TXLNB: variants seen among roughly 807,000 people sequenced by gnomAD.
TXLNB encodes taxilin beta, also known as beta-taxilin.
In TXLNB, 37 loss-of-function variants were observed where a neutral mutation model predicts 57.4. That is an observed-to-expected ratio of 0.64 (90% confidence interval 0.50 to 0.85). TXLNB has a LOEUF of 0.85. Among genes scored for constraint, TXLNB ranks in the 40% least tolerant of loss-of-function variants. The pLI is 0.00. For synonymous variants in TXLNB, 302 were observed against 309.6 expected (o/e 0.98, Z 0.26); for missense variants, 848 against 825.6 (o/e 1.03, Z -0.33).
chr6:139,192,910 C>A, the TXLNB span, among the ~76,000 whole-genome samples: 4 of 151,844 alleles, frequency 2.6e-5, no homozygotes, highest in African/African-American at 9.7e-5. Flanking sequence ...TTGCAGTGAG[C>A]CGAGATTGTG....
At chr6:139,307,959 C>G in the TXLNB span, among the ~76,000 whole-genome samples, 1 of 151,228 alleles carries the variant, frequency 6.6e-6, no homozygotes, top group South Asian at 2.1e-4. Context: ...TTGACACTTC[C>G]CAGGAGTAGT....
At chr6:139,266,148 A>G (rs1776609750) in intron 4 of TXLNB, among the ~76,000 whole-genome samples, 1 of 152,216 alleles carries the variant, frequency 6.6e-6, no homozygotes, top group Non-Finnish European at 1.5e-5. Context: ...TAGAATCCAG[A>G]TTCTCCAGAA....
chr6:139,247,883 T>C lies in TXLNB; in HGVS notation c.1104A>G (p.Glu368=). 1 of 1,607,464 alleles carries C rather than the reference T, an allele frequency of 6.2e-7. No homozygotes were observed. ...TTTTAGTTAGTGTGCTCTGGAATTC[T>C]TCAAACCTTCCTGAGTAGAGAGTGA... ...AQLTLYSGRF[E]EFQSTLTKSN... Residue 368 remains glutamate, a synonymous_variant, in exon 8 of 10, where the codon GAA becomes GAG. Transcript: ENST00000358430.
the TXLNB span, among the ~76,000 whole-genome samples, chr6:139,316,568 T>G: frequency 6.6e-6 from 1 of 152,368 alleles, no homozygotes; most frequent in South Asian, 2.1e-4. Flanking sequence ...AAGACCCTGT[T>G]GCAGTGGTCC....
At chr6:139,206,320 C>T in the TXLNB span, among the ~76,000 whole-genome samples, 1 of 152,098 alleles carries the variant, frequency 6.6e-6, no homozygotes, top group African/African-American at 2.4e-5. Context: ...AGAACAGTAC[C>T]TCACATCTCA....
At chr6:139,165,752 C>T in the TXLNB span, among the ~76,000 whole-genome samples, 7 of 152,186 alleles carry the variant, frequency 4.6e-5, no homozygotes, top group African/African-American at 1.7e-4. Context: ...ATTCTACTTT[C>T]TGTCACCATG....
chr6:139,286,208 A>C (rs1433684034), intron 2 of TXLNB, among the ~76,000 whole-genome samples: 1 of 149,246 alleles, frequency 6.7e-6, no homozygotes, highest in Non-Finnish European at 1.5e-5. Context: ...AGAGAGTACT[A>C]ATAATTTTCC....
chr6:139,276,068 C>T (rs946295025), intron 3 of TXLNB, among the ~76,000 whole-genome samples: 6 of 152,194 alleles, frequency 3.9e-5, no homozygotes, highest in Non-Finnish European at 8.8e-5. Flanking sequence ...TAAACAACGA[C>T]ATAAAATAGA....
chr6:139,190,679 C>G, the TXLNB span, among the ~76,000 whole-genome samples: 1 of 152,150 alleles, frequency 6.6e-6, no homozygotes, highest in Non-Finnish European at 1.5e-5. Flanking sequence ...ACAAAGCATA[C>G]TTGGACTTCT....
At chr6:139,201,421 G>A in the TXLNB span, among the ~76,000 whole-genome samples, 2 of 152,152 alleles carry the variant, frequency 1.3e-5, no homozygotes, top group East Asian at 3.8e-4. Context: ...GGCACGATAA[G>A]GAATTCCCTC....
At chr6:139,251,035 T>A (rs1329454103) in intron 7 of TXLNB, among the ~76,000 whole-genome samples, 1 of 152,248 alleles carries the variant, frequency 6.6e-6, no homozygotes, top group East Asian at 1.9e-4. Flanking sequence ...TTTCCTTTTC[T>A]TATGTTTTCT....
chr6:139,246,466 G>T (rs534066513), intron 8 of TXLNB, among the ~76,000 whole-genome samples: 29 of 152,208 alleles, frequency 1.9e-4, no homozygotes, highest in Non-Finnish European at 3.8e-4. Context: ...GTATTGGGAA[G>T]ACACTGAACA....
At position 139,243,398 on chromosome 6, in the gene TXLNB, G is replaced by A. The variant is rs1776000021; in HGVS notation, c.1267-84C>T. The A allele has an allele frequency of 5.7e-6, 8 of 1,392,564 alleles. No homozygotes were observed. The African/African-American group carries it at 1.0e-4, about 18-fold the overall frequency. 86.3% of individuals were successfully genotyped at this position (1,392,564 alleles called of 1,614,324 possible). ...TGTCCAGGATGCTTTCTGGAAACAAGCAAAACTATTTGTCCCAGAATTTGT... is the reference window on the plus strand; with the variant it reads ...TGTCCAGGATGCTTTCTGGAAACAAACAAAACTATTTGTCCCAGAATTTGT... On this transcript the variant is annotated intron_variant, in intron 9 of 9. Coordinates refer to ENST00000358430, the MANE Select transcript of TXLNB (RefSeq NM_153235.4).
chr6:139,169,770 A>C, the TXLNB span: 2 of 152,248 alleles, frequency 1.3e-5, no homozygotes, highest in African/African-American at 2.4e-5. Context: ...TGGAAGCTGC[A>C]GAGTCTGTCT....
intron 5 of TXLNB, 42 bp downstream of exon 5, chr6:139,262,537 C>G: frequency 1.3e-6 from 2 of 1,493,604 alleles, no homozygotes; most frequent in Non-Finnish European, 1.8e-6. Flanking sequence ...CTCCCAGATC[C>G]GGATCTATGT....
At chr6:139,180,892 C>T in the TXLNB span, 2 of 152,406 alleles carry the variant, frequency 1.3e-5, no homozygotes, top group Non-Finnish European at 2.9e-5. Context: ...GAAGAGAAAG[C>T]TTTCTGAGGT....
the TXLNB span, among the ~76,000 whole-genome samples, chr6:139,307,970 A>G: frequency 3.4e-5 from 2 of 59,356 alleles, no homozygotes; most frequent in Non-Finnish European, 8.1e-5. Context: ...CAGGAGTAGT[A>G]TTGACACCTG....
upstream of TXLNB, among the ~76,000 whole-genome samples, chr6:139,296,953 C>T (rs924426348): frequency 1.3e-5 from 2 of 152,124 alleles, no homozygotes; most frequent in Non-Finnish European, 2.9e-5. Flanking sequence ...TTTGTAGTCT[C>T]CTGCTTTACT....
At chr6:139,267,809 A>G (rs1244856201) in intron 4 of TXLNB, among the ~76,000 whole-genome samples, 1 of 152,210 alleles carries the variant, frequency 6.6e-6, no homozygotes, top group African/African-American at 2.4e-5. Flanking sequence ...AATAAGAGTA[A>G]GAAAACTAGA....
Sources: gnomAD v4.1 joint callset for allele counts (sites outside exome capture counted in the v4.1 genomes callset) on GRCh38, gnomAD v4.1.1 for gene constraint, MANE v1.5 for transcripts, NCBI Gene and HGNC (gene_info 2026-07-23, HGNC 2026-07-21) for gene names.